The following OR7C1 variants were observed in gnomAD, a reference collection of about 807,000 sequenced individuals.
The protein encoded by OR7C1 is olfactory receptor 7C1.
For missense variants in OR7C1, 324 were observed against 383.3 expected (o/e 0.85, Z 1.29); for synonymous variants, 152 against 160.7 (o/e 0.95, Z 0.41).
intron 2 of OR7C1, among the ~76,000 whole-genome samples, chr19:14,805,062 G>A (rs1187750673): frequency 6.6e-6 from 1 of 151,858 alleles, no homozygotes; most frequent in Non-Finnish European, 1.5e-5. Flanking sequence ...TAGATAGGAA[G>A]TTTGATTGCC....
At chr19:14,828,241 T>G (rs1462136934) in intron 1 of OR7C1, 3 of 1,607,840 alleles carry the variant, frequency 1.9e-6, no homozygotes, top group Non-Finnish European at 2.6e-6. Context: ...CCTGGTTCCA[T>G]TTGATTGAAG....
chr19:14,833,593 T>C (rs1236586037), intron 1 of OR7C1, among the ~76,000 whole-genome samples: 1 of 152,252 alleles, frequency 6.6e-6, no homozygotes, highest in Non-Finnish European at 1.5e-5. Flanking sequence ...ATGATAGGTA[T>C]ATATTTAACT....
intron 1 of OR7C1, among the ~76,000 whole-genome samples, chr19:14,833,152 T>C (rs2044850294): frequency 6.6e-6 from 1 of 152,294 alleles, no homozygotes; most frequent in African/African-American, 2.4e-5. Context: ...GTCACCTACC[T>C]CACACATCTT....
intron 1 of OR7C1, chr19:14,826,663 T>A (rs1306714359): frequency 1.3e-5 from 2 of 152,224 alleles, no homozygotes; most frequent in Admixed American, 1.3e-4. Flanking sequence ...AATCAACATA[T>A]GCAAGTTTGT....
chr19:14,828,428 T>C, intron 1 of OR7C1: 1 of 681,550 alleles, frequency 1.5e-6, no homozygotes, highest in South Asian at 2.0e-5. Flanking sequence ...CTTCCCACTC[T>C]CAGCCTTAAC....
At chr19:14,798,526 G>C (rs771814084) in exon 5 of OR7C1, 8 of 152,424 alleles carry the variant, frequency 5.2e-5, no homozygotes, top group Non-Finnish European at 1.2e-4. Flanking sequence ...GAGGTTAAGA[G>C]CAGAAGTTTA....
chr19:14,833,259 A>G (rs1031121046), intron 1 of OR7C1, among the ~76,000 whole-genome samples: 3 of 152,252 alleles, frequency 2.0e-5, no homozygotes, highest in African/African-American at 7.2e-5. Context: ...TGGGTGGATC[A>G]CTTGAGGTCG....
At chr19:14,807,125 C>T (rs1029202617) in intron 2 of OR7C1, among the ~76,000 whole-genome samples, 2 of 151,948 alleles carry the variant, frequency 1.3e-5, no homozygotes, top group African/African-American at 4.8e-5. Flanking sequence ...TTGCATTTCT[C>T]TAATGATCAG....
chr19:14,799,932 C>G (rs1401021401), exon 5 of OR7C1: 2 of 1,613,852 alleles, frequency 1.2e-6, no homozygotes, highest in Non-Finnish European at 1.7e-6. Flanking sequence ...CAGAGGTCAG[C>G]AAAAGACAGG....
At chr19:14,828,022 T>C (rs1285592452) in intron 1 of OR7C1, 1 of 1,614,174 alleles carries the variant, frequency 6.2e-7, no homozygotes, top group East Asian at 2.2e-5. Flanking sequence ...GTGGTGGAAG[T>C]AACACAAATG....
intron 1 of OR7C1, among the ~76,000 whole-genome samples, chr19:14,820,567 AT>A (rs1403252183): frequency 6.6e-6 from 1 of 152,104 alleles, no homozygotes; most frequent in Non-Finnish European, 1.5e-5. Context: ...AAGAAAAAAA[AT>A]CACACAGGAA....
chr19:14,798,785 G>GTTCCTC (rs1306185387), exon 5 of OR7C1: 1 of 169,606 alleles, frequency 5.9e-6, no homozygotes, highest in African/African-American at 2.4e-5. Context: ...CATGTTGCCT[G>GTTCCTC]TTCCTTTGCT....
chr19:14,811,573 C>A lies in OR7C1; in HGVS notation c.-622-1580G>T, dbSNP rs962820462. 2.0e-5 allele frequency among the ~76,000 whole-genome samples: 3 copies of A among 151,678 alleles called. No homozygotes were observed. The East Asian group carries it at 5.8e-4, about 29-fold the overall frequency. On this transcript the variant is annotated intron_variant, in intron 1 of 4. Transcript: ENST00000641666. ...CTGGCACTAGGGGTGAGGATGTGAG[C>A]TTATCCTTTAGGGGGGCCAACATTC... is the stretch of plus-strand genomic sequence containing the variant.
intron 1 of OR7C1, among the ~76,000 whole-genome samples, chr19:14,830,395 C>A (rs59492422): frequency 0.19 from 29,214 of 151,818 alleles, 3,700 homozygotes; most frequent in African/African-American, 0.36. Context: ...AATCCCTCAG[C>A]AAAAGGACAA....
At chr19:14,809,856 A>G (rs1239133002) in exon 2 of OR7C1, 1 of 151,804 alleles carries the variant, frequency 6.6e-6, no homozygotes, top group African/African-American at 2.4e-5. Flanking sequence ...GGCTCTGTTG[A>G]CCTTCCCTCC....
intron 1 of OR7C1, among the ~76,000 whole-genome samples, chr19:14,830,370 C>T (rs907355420): frequency 6.6e-6 from 1 of 152,124 alleles, no homozygotes; most frequent in Non-Finnish European, 1.5e-5. Context: ...AGGAAAAAGT[C>T]TAATAAACTC....
chr19:14,823,084 G>A (rs2044748827), intron 1 of OR7C1, among the ~76,000 whole-genome samples: 1 of 152,098 alleles, frequency 6.6e-6, no homozygotes, highest in South Asian at 2.1e-4. Context: ...CCATTGCCCA[G>A]ACTACTGCTT....
chr19:14,818,062 T>TTTATTTTA (rs1555695177), intron 1 of OR7C1, among the ~76,000 whole-genome samples: 6 of 139,464 alleles, frequency 4.3e-5, no homozygotes, highest in African/African-American at 1.3e-4. Context: ...ATTTTATTTA[T>TTTATTTTA]TTTATTTATT....
intron 1 of OR7C1, among the ~76,000 whole-genome samples, chr19:14,813,114 A>G (rs1450374567): frequency 6.6e-6 from 1 of 152,036 alleles, no homozygotes; most frequent in African/African-American, 2.4e-5. Flanking sequence ...AAACCAGAAA[A>G]CATTTACAAG....
Sources: gnomAD v4.1 joint callset for allele counts (sites outside exome capture counted in the v4.1 genomes callset) on GRCh38, gnomAD v4.1.1 for gene constraint, MANE v1.5 for transcripts, NCBI Gene and HGNC (gene_info 2026-07-23, HGNC 2026-07-21) for gene names.